Variants in FBXL18 observed in about 807,000 individuals in gnomAD.
FBXL18 encodes the protein F-box and leucine rich repeat protein 18, also known as F-box/LRR-repeat protein 18.
A neutral mutation model predicts 46.0 loss-of-function variants in FBXL18; 36 were observed. The ratio of observed to expected loss-of-function variants is 0.78; its 90% CI spans 0.60 to 1.03. FBXL18 has a LOEUF of 1.03. Ranked by LOEUF, FBXL18 falls within the 50% of genes least tolerant of loss-of-function variation. The pLI, the probability that FBXL18 is intolerant of heterozygous loss-of-function variation, is 0.00. For synonymous variants in FBXL18, 557 were observed against 465.3 expected, an observed-to-expected ratio of 1.20 and a Z score of -2.54; for missense variants, 977 against 1,004.1, an observed-to-expected ratio of 0.97 and a Z score of 0.36.
rs1052372376 is a variant in FBXL18, at chr7:5,481,066, G to A, written c.*709C>T. 6.6e-6 allele frequency: 1 copy of A among 152,148 alleles called. No individual in the cohort carries two copies. The highest frequency in any genetic ancestry group is 2.4e-5 in the African/African-American group (1 of 41,416). The allele number at this position is 152,148 out of a possible 1,614,324, so 9.4% of individuals were successfully genotyped here. ...GTGGGAGGGGGAGGAGGCCTCTCTCGTTAGAAACGGGCCCTGCTGGTTGGG... is the reference window on the plus strand; with the variant it reads ...GTGGGAGGGGGAGGAGGCCTCTCTCATTAGAAACGGGCCCTGCTGGTTGGG... On this transcript the variant is annotated 3_prime_UTR_variant, in exon 5 of 5. Coordinates refer to ENST00000382368, the MANE Select transcript of FBXL18 (RefSeq NM_024963.6).
In FBXL18 at chr7:5,477,792, G is replaced by A. The variant is rs1783550022; in HGVS notation, c.*3983C>T. 1 of 152,064 alleles carries A rather than the reference G, an allele frequency of 6.6e-6. No individual in the cohort carries two copies. Among genetic ancestry groups the A allele is most frequent in the South Asian group, 2.1e-4 (1 of 4,830 alleles). The allele number at this position is 152,064 out of a possible 1,614,324, so 9.4% of individuals were successfully genotyped here. On this transcript the variant is annotated 3_prime_UTR_variant, in exon 5 of 5. Coordinates refer to ENST00000382368, the MANE Select transcript of FBXL18 (RefSeq NM_024963.6). This position sits in a 1 kb window ranked among gnomAD's most constrained non-coding sequence, Gnocchi z 4.4. The stretch of plus-strand genomic sequence containing the variant: ...GGAGGTGGGAGGCTGCCACAGCGCT[G>A]CCTGCTGGGGGATCAAGGTCCCCGC...
intron 4 of FBXL18, among the ~76,000 whole-genome samples, chr7:5,462,519 C>T (rs1783262069): frequency 6.6e-6 from 1 of 152,146 alleles, no homozygotes; most frequent in African/African-American, 2.4e-5. Context: ...GCGTTGCAGG[C>T]AGTACCCAGC....
intron 4 of FBXL18, among the ~76,000 whole-genome samples, chr7:5,468,263 A>G (rs556751516): frequency 9.4e-4 from 142 of 150,600 alleles, no homozygotes; most frequent in Middle Eastern, 6.9e-3. Flanking sequence ...GATTACAGGC[A>G]TGACCCACTG....
chr7:5,474,365 G>C (rs1426540293), downstream of FBXL18, among the ~76,000 whole-genome samples: 1 of 150,796 alleles, frequency 6.6e-6, no homozygotes, highest in Admixed American at 6.6e-5. Flanking sequence ...CTGGAGTGCA[G>C]TGGTGCAATC....
chr7:5,472,546 A>G (rs558596959), downstream of FBXL18, among the ~76,000 whole-genome samples: 11 of 151,698 alleles, frequency 7.3e-5, no homozygotes, highest in Admixed American at 7.2e-4. Flanking sequence ...GAGAGACCAC[A>G]TGGAGGGGCC....
intron 3 of FBXL18, among the ~76,000 whole-genome samples, chr7:5,495,655 C>T (rs571469143): frequency 2.6e-5 from 4 of 152,300 alleles, no homozygotes; most frequent in African/African-American, 7.2e-5. Flanking sequence ...AAAGAGACTC[C>T]GGCCGCCCCA....
At chr7:5,511,401 A>G (rs926921421) in intron 1 of FBXL18, among the ~76,000 whole-genome samples, 1 of 152,030 alleles carries the variant, frequency 6.6e-6, no homozygotes, top group Non-Finnish European at 1.5e-5. Context: ...CAACATGGAG[A>G]AACCCCGTCT....
intron 3 of FBXL18, among the ~76,000 whole-genome samples, chr7:5,498,853 G>A (rs1332183742): frequency 1.3e-5 from 2 of 152,202 alleles, no homozygotes; most frequent in Non-Finnish European, 2.9e-5. Context: ...GATTACAGGA[G>A]TGAGCCACCA....
At chr7:5,460,752 C>T (rs536666734) in intron 4 of FBXL18, among the ~76,000 whole-genome samples, 38 of 152,338 alleles carry the variant, frequency 2.5e-4, no homozygotes, top group African/African-American at 8.9e-4. Context: ...CATGCCCAGA[C>T]TCAGGCCTAA....
intron 4 of FBXL18, among the ~76,000 whole-genome samples, chr7:5,463,728 A>ATTTATTTTTTTTTT (rs1562672288): frequency 1.1e-4 from 6 of 53,010 alleles, no homozygotes; most frequent in Non-Finnish European, 1.7e-4. Flanking sequence ...TTATTTATTT[A>ATTTATTTTTTTTTT]TTTTTTTTTT....
intron 1 of FBXL18, among the ~76,000 whole-genome samples, chr7:5,512,244 C>CA (rs544569914): frequency 0.17 from 10,388 of 60,654 alleles, 483 homozygotes; most frequent in Admixed American, 0.22. Context: ...GACTCCGTCT[C>CA]AAAAAAAAAA....
At position 5,491,316 on chromosome 7, in the gene FBXL18, G is replaced by A. The variant is rs372737665; in HGVS notation, c.1915C>T (p.Arg639Cys). 124 of 1,612,464 alleles carry A rather than the reference G, an allele frequency of 7.7e-5. No homozygotes were observed. The highest frequency in any genetic ancestry group is 1.1e-4 in the East Asian group (5 of 44,874). The change falls in exon 4 of 5, where the codon CGC becomes TGC. Residue 639 changes from arginine to cysteine, a missense_variant. Transcript: ENST00000382368. ...QPDAVLAFMARCLQVVMCHLF... is the reference protein window; with the variant it reads ...QPDAVLAFMACCLQVVMCHLF... The stretch of plus-strand genomic sequence containing the variant: ...TGGCACATGACAACCTGCAGGCAGC[G>A]AGCCATGAAGGCCAGCACGGCATCG...
intron 1 of FBXL18, among the ~76,000 whole-genome samples, chr7:5,509,545 T>C (rs1354072086): frequency 1.3e-5 from 2 of 151,552 alleles, no homozygotes; most frequent in African/African-American, 2.4e-5. Context: ...ACACAAAAAT[T>C]AGCCAGGCGT....
chr7:5,511,316 C>T (rs1233200455), intron 1 of FBXL18, among the ~76,000 whole-genome samples: 1 of 152,032 alleles, frequency 6.6e-6, no homozygotes, highest in African/African-American at 2.4e-5. Flanking sequence ...CAGTGGCTCA[C>T]GCCTGTAATC....
intron 1 of FBXL18, among the ~76,000 whole-genome samples, chr7:5,506,536 T>TG (rs2128238583): frequency 6.7e-6 from 1 of 149,118 alleles, no homozygotes; most frequent in East Asian, 2.0e-4. Flanking sequence ...ATTGCAGGTG[T>TG]GAGCCACCAT....
intron 4 of FBXL18, among the ~76,000 whole-genome samples, chr7:5,482,494 A>ACCCCCCCCCCATGGC (rs34639864): frequency 8.0e-6 from 1 of 124,342 alleles, no homozygotes. Flanking sequence ...CAGGTAGGCG[A>ACCCCCCCCCCATGGC]CCCCCCCCCA....
intron 3 of FBXL18, among the ~76,000 whole-genome samples, chr7:5,495,032 G>A (rs1421858161): frequency 1.3e-5 from 2 of 152,052 alleles, no homozygotes; most frequent in Non-Finnish European, 2.9e-5. Flanking sequence ...ACAGCACGCC[G>A]CCTGGGGCAC....
intron 4 of FBXL18, among the ~76,000 whole-genome samples, chr7:5,469,857 T>C (rs1282950874): frequency 6.6e-6 from 1 of 150,876 alleles, no homozygotes; most frequent in Non-Finnish European, 1.5e-5. Flanking sequence ...GGAGAGGGTT[T>C]ATGAGCCTGA....
At chr7:5,490,033 G>A (rs1783877916) in intron 4 of FBXL18, 1 of 1,329,960 alleles carries the variant, frequency 7.5e-7, no homozygotes, top group South Asian at 1.2e-5. Context: ...AACCAGAGAG[G>A]GGGAAACCCC....
Sources: allele counts gnomAD v4.1 joint callset (sites outside exome capture counted in the v4.1 genomes callset), GRCh38; gene constraint gnomAD v4.1.1; non-coding constraint Gnocchi (gnomAD v3.1); transcripts MANE v1.5; gene names NCBI Gene and HGNC (gene_info 2026-07-23, HGNC 2026-07-21).